Variants in TAFA4 observed in about 807,000 individuals in gnomAD.
TAFA4 encodes chemokine-like protein TAFA-4.
A neutral mutation model predicts 21.1 loss-of-function variants in TAFA4; 20 were observed. The ratio of observed to expected loss-of-function variants is 0.95; its 90% CI spans 0.67 to 1.38. The LOEUF is 1.38. Among genes scored for constraint, TAFA4 ranks in the 40% most tolerant of loss-of-function variants. TAFA4 has a pLI of 0.00. For synonymous variants in TAFA4, 71 were observed against 67.4 expected (o/e 1.05, Z -0.26); for missense variants, 211 against 180.9 (o/e 1.17, Z -0.95).
At chr3:68,773,942 A>G (rs1479824260) in intron 3 of TAFA4, among the ~76,000 whole-genome samples, 1 of 152,210 alleles carries the variant, frequency 6.6e-6, no homozygotes, top group Non-Finnish European at 1.5e-5. Context: ...TCAGAACCGT[A>G]TTGTCAACAT....
At chr3:68,783,688 A>G (rs2106800307) in intron 3 of TAFA4, among the ~76,000 whole-genome samples, 1 of 125,548 alleles carries the variant, frequency 8.0e-6, no homozygotes, top group South Asian at 3.4e-4. Flanking sequence ...AGAGAGAGAG[A>G]GAGAGAGAGA....
At chr3:68,759,568 CA>C (rs1243192436) in intron 3 of TAFA4, among the ~76,000 whole-genome samples, 5 of 150,036 alleles carry the variant, frequency 3.3e-5, no homozygotes, top group Non-Finnish European at 7.4e-5. Context: ...TCACTTAAAA[CA>C]AAGATGAATT....
chr3:68,886,067 TATG>T (rs1213588708), intron 1 of TAFA4, among the ~76,000 whole-genome samples: 2 of 152,178 alleles, frequency 1.3e-5, no homozygotes, highest in African/African-American at 4.8e-5. Flanking sequence ...AGAGAAAAAT[TATG>T]ATATGTGTTA....
intron 3 of TAFA4, among the ~76,000 whole-genome samples, chr3:68,850,250 T>C (rs1704912356): frequency 6.6e-6 from 1 of 152,158 alleles, no homozygotes; most frequent in Non-Finnish European, 1.5e-5. Flanking sequence ...ATTGTTTCAG[T>C]TGCTCATTTC....
intron 1 of TAFA4, among the ~76,000 whole-genome samples, chr3:68,907,889 A>G (rs752776017): frequency 1.3e-5 from 2 of 152,228 alleles, no homozygotes; most frequent in Non-Finnish European, 2.9e-5. Context: ...TCCCAGACAG[A>G]CTGCTGTAAT....
chr3:68,786,389 C>G (rs1416422397), intron 3 of TAFA4, among the ~76,000 whole-genome samples: 1 of 152,062 alleles, frequency 6.6e-6, no homozygotes, highest in Non-Finnish European at 1.5e-5. Flanking sequence ...TCAGGTGAGC[C>G]CAAGAGTTTG....
In TAFA4 at chr3:68,896,924, G is replaced by C. The variant is rs564325380; in HGVS notation, c.-122-11614C>G. Among the ~76,000 whole-genome samples the C allele has an allele frequency of 2.1e-4, 32 of 152,298 alleles. No homozygotes were observed. In the South Asian group the frequency reaches 6.4e-3, roughly 31 times the overall value. On this transcript the variant is annotated intron_variant, in intron 1 of 5. Coordinates refer to ENST00000295569, the MANE Select transcript of TAFA4 (RefSeq NM_182522.5). ...TTTTGTTTAGTTTTGTTTTTATTGAGACGAAGTCTCAGTCTGTCACCCAGG... is the reference window on the plus strand; with the variant it reads ...TTTTGTTTAGTTTTGTTTTTATTGACACGAAGTCTCAGTCTGTCACCCAGG...
At position 68,907,431 on chromosome 3, in the gene TAFA4, C is replaced by T. The variant is rs78686971; in HGVS notation, c.-122-22121G>A. On this transcript the variant is annotated intron_variant, in intron 1 of 5. Transcript: ENST00000295569. ...GCAAAAGGCTAGAATGAGCTGAACC[C>T]GGCAGAAAATGCAAAGAGCTACAAA... Among the ~76,000 whole-genome samples, 1,486 of 152,206 alleles carry T rather than the reference C, an allele frequency of 9.8e-3. 20 individuals are homozygous for T. Among genetic ancestry groups the T allele is most frequent in the African/African-American group, 0.034 (1,412 of 41,514 alleles).
chr3:68,774,528 C>T (rs1559516831), intron 3 of TAFA4, among the ~76,000 whole-genome samples: 1 of 152,138 alleles, frequency 6.6e-6, no homozygotes, highest in Non-Finnish European at 1.5e-5. Context: ...TTGAGCATTC[C>T]ACCTGAATCT....
intron 3 of TAFA4, among the ~76,000 whole-genome samples, chr3:68,859,813 T>A (rs1253376954): frequency 2.0e-5 from 3 of 152,046 alleles, no homozygotes; most frequent in Non-Finnish European, 4.4e-5. Context: ...AAATAATGAA[T>A]ATCCACCAAT....
intron 3 of TAFA4, among the ~76,000 whole-genome samples, chr3:68,880,224 A>T (rs759664194): frequency 2.0e-5 from 3 of 152,216 alleles, no homozygotes; most frequent in Non-Finnish European, 2.9e-5. Flanking sequence ...TACAAAAGTT[A>T]CCACAGCTTT....
intron 3 of TAFA4, among the ~76,000 whole-genome samples, chr3:68,836,637 CAG>C (rs937447685): frequency 3.9e-5 from 6 of 152,242 alleles, no homozygotes; most frequent in African/African-American, 1.4e-4. Context: ...AGTAGAAATC[CAG>C]AGAGAACTAA....
chr3:68,747,347 G>GCTTTCA (rs1438546008), intron 4 of TAFA4, among the ~76,000 whole-genome samples: 1 of 152,080 alleles, frequency 6.6e-6, no homozygotes, highest in East Asian at 1.9e-4. Flanking sequence ...TGTTTCATGG[G>GCTTTCA]AGGACCTGGT....
At chr3:68,776,801 C>T (rs1703057138) in intron 3 of TAFA4, among the ~76,000 whole-genome samples, 3 of 152,106 alleles carry the variant, frequency 2.0e-5, no homozygotes, top group Admixed American at 1.3e-4. Context: ...TCACAAAAAA[C>T]ATGATATCTA....
At chr3:68,802,702 C>T (rs1429652484) in intron 3 of TAFA4, among the ~76,000 whole-genome samples, 3 of 151,672 alleles carry the variant, frequency 2.0e-5, no homozygotes, top group African/African-American at 7.2e-5. Context: ...ACACAGAGCA[C>T]ACAGAGAACT....
In TAFA4 at chr3:68,732,673, T is replaced by TACATCTGCAA. The variant is rs1702170776; in HGVS notation, c.*459_*468dup. 3 of 154,654 alleles carry TACATCTGCAA rather than the reference T, an allele frequency of 1.9e-5. No homozygotes were observed. The South Asian group carries it at 6.2e-4, about 32-fold the overall frequency. The allele number at this position is 154,654 out of a possible 1,614,324, so 9.6% of individuals were successfully genotyped here. A position where few individuals can be genotyped will look rare whatever the true frequency, so the allele number is the denominator to read the frequency against. On this transcript the variant is annotated 3_prime_UTR_variant, in exon 6 of 6. Transcript: ENST00000295569. ...CAGTAATTTTCTTCACCAGCTAATC[T>TACATCTGCAA]ACATCTGCAAATATGTTTTGCCAAA...
In TAFA4 at chr3:68,762,371, G is replaced by A. The variant is rs957545604; in HGVS notation, c.131-9353C>T. Among the ~76,000 whole-genome samples the A allele has an allele frequency of 9.2e-5, 14 of 152,184 alleles. 1 individual carries two copies. Among genetic ancestry groups the A allele is most frequent in the Admixed American group, 6.5e-4 (10 of 15,280 alleles). On this transcript the variant is annotated intron_variant, in intron 3 of 5. Coordinates refer to ENST00000295569, the MANE Select transcript of TAFA4 (RefSeq NM_182522.5). ...AATGCCACCAATAGGATAGACAGAT[G>A]TTAGCCGGGATTTTTAAGATGTGGG...
chr3:68,881,364 C>G (rs1488249570), intron 2 of TAFA4, among the ~76,000 whole-genome samples: 1 of 152,032 alleles, frequency 6.6e-6, no homozygotes, highest in Non-Finnish European at 1.5e-5. Flanking sequence ...GGAGTATGGG[C>G]AAATACAGGT....
At chr3:68,809,236 A>T (rs1703775394) in intron 3 of TAFA4, among the ~76,000 whole-genome samples, 2 of 152,222 alleles carry the variant, frequency 1.3e-5, no homozygotes, top group Non-Finnish European at 2.9e-5. Context: ...AAGTGAGCTT[A>T]CACATTTTAA....
Sources: gnomAD v4.1 joint callset for allele counts (sites outside exome capture counted in the v4.1 genomes callset) on GRCh38, gnomAD v4.1.1 for gene constraint, MANE v1.5 for transcripts, NCBI Gene and HGNC (gene_info 2026-07-23, HGNC 2026-07-21) for gene names.